Variants in LY75 observed in about 807,000 individuals in gnomAD.
The protein encoded by LY75 is lymphocyte antigen 75.
In LY75, 185 loss-of-function variants were observed where a neutral mutation model predicts 231.7. That is an observed-to-expected ratio of 0.80 (90% CI 0.71 to 0.90). The LOEUF is 0.90. Among genes scored for constraint, LY75 ranks in the 40% least tolerant of loss-of-function variants. LY75 has a pLI of 0.00. For missense variants in LY75, 1,947 were observed against 2,050.2 expected (o/e 0.95, Z 0.97); for synonymous variants, 668 against 689.0 (o/e 0.97, Z 0.48).
chr2:159,828,085 C>T (rs1305730083), intron 28 of LY75, among the ~76,000 whole-genome samples: 1 of 151,092 alleles, frequency 6.6e-6, no homozygotes, highest in Non-Finnish European at 1.5e-5. Flanking sequence ...TACACATGTA[C>T]CCCAGAACTT....
At chr2:159,807,536 G>A in intron 33 of LY75, 3 of 728,134 alleles carry the variant, frequency 4.1e-6, no homozygotes, top group Non-Finnish European at 5.0e-6. Flanking sequence ...TATCATTAAA[G>A]ATATGCTGGT....
chr2:159,864,019 C>T (rs1684788361), intron 14 of LY75, among the ~76,000 whole-genome samples: 1 of 152,092 alleles, frequency 6.6e-6, no homozygotes, highest in African/African-American at 2.4e-5. Flanking sequence ...GTAGGCTGTA[C>T]CATCTAGATT....
intron 3 of LY75, among the ~76,000 whole-genome samples, chr2:159,892,024 G>A (rs2125883029): frequency 6.6e-6 from 1 of 152,140 alleles, no homozygotes; most frequent in East Asian, 1.9e-4. Context: ...AGAAGCCTGG[G>A]CCTCTAATTA....
intron 2 of LY75, among the ~76,000 whole-genome samples, chr2:159,895,703 T>C (rs1169756797): frequency 6.6e-6 from 1 of 152,198 alleles, no homozygotes; most frequent in Non-Finnish European, 1.5e-5. Flanking sequence ...TAAGGACAAC[T>C]TGTGACATCA....
At chr2:159,870,580 C>T (rs897826127) in intron 13 of LY75, among the ~76,000 whole-genome samples, 25 of 152,164 alleles carry the variant, frequency 1.6e-4, no homozygotes, top group African/African-American at 5.3e-4. Context: ...TCTTGTCTCA[C>T]TGTATCCTTG....
chr2:159,888,294 G>T (rs568423168), intron 4 of LY75, among the ~76,000 whole-genome samples: 3 of 152,138 alleles, frequency 2.0e-5, no homozygotes, highest in Non-Finnish European at 4.4e-5. Flanking sequence ...TGGGAAGATC[G>T]CTTGAGCCCA....
At chr2:159,861,027 C>T (rs921200312) in intron 14 of LY75, 138 bp from the exon 15 acceptor site, 2 of 789,364 alleles carry the variant, frequency 2.5e-6, no homozygotes, top group Admixed American at 5.0e-5. Context: ...TTTTTTATAT[C>T]ATGATGCTAA....
rs768921409 is a variant in LY75, at chr2:159,819,886, C to T, written c.3993G>A (p.Leu1331=). ...TTCCTGCTCTCCAATGTGTATATGA[C>T]AGTGGGGTCTTATCAAACCACATAA... ...KSLMWFDKTP[L]SYTHWRAGRP... is the part of the protein sequence containing the mutation. Residue 1331 remains leucine, a synonymous_variant, in exon 29 of 35, where the codon CTG becomes CTA. Coordinates refer to ENST00000263636, the MANE Select transcript of LY75 (RefSeq NM_002349.4). 1 of 1,611,608 alleles carries T rather than the reference C, an allele frequency of 6.2e-7. No homozygotes were observed.
In LY75 at chr2:159,838,635, T is replaced by C. The variant is rs117417967; in HGVS notation, c.3507+2094A>G. Reference sequence around the variant, plus strand: ...TGAAACTAGGAAATGTAATCACCTATTGTTTCCTCACAACAGACACAACAA... The same window carrying C: ...TGAAACTAGGAAATGTAATCACCTACTGTTTCCTCACAACAGACACAACAA... On this transcript the variant is annotated intron_variant, in intron 25 of 34. Coordinates refer to ENST00000263636, the MANE Select transcript of LY75 (RefSeq NM_002349.4). Among the ~76,000 whole-genome samples the C allele has an allele frequency of 1.2e-3, 190 of 152,316 alleles. 4 individuals are homozygous for C. In the East Asian group the frequency reaches 0.033, roughly 26 times the overall value.
At chr2:159,893,792 C>G in intron 3 of LY75, 122 bp downstream of exon 3, 1 of 1,358,148 alleles carries the variant, frequency 7.4e-7, no homozygotes, top group Non-Finnish European at 9.8e-7. Flanking sequence ...TCCAAACATA[C>G]ACTTCTTATC....
chr2:159,832,123 A>C (rs1683681750), intron 27 of LY75, among the ~76,000 whole-genome samples: 1 of 152,190 alleles, frequency 6.6e-6, no homozygotes, highest in African/African-American at 2.4e-5. Flanking sequence ...TATACTGTCA[A>C]AGATTACGCT....
At position 159,807,084 on chromosome 2, in the gene LY75, T is replaced by C. The variant is rs754953748; in HGVS notation, c.4879A>G (p.Lys1627Glu). ...CATCTTCCAACACCACTCTTACTTT[T>C]ATTTTCCCATTTGACAAATGTCACT... ...SEVTFVKWEN[K>E]SKSGVGRCSM... Residue 1627 changes from lysine to glutamate, a missense_variant, in exon 34 of 35, where the codon AAA (lysine) becomes GAA (glutamate). Lys to Glu is a moderately conservative substitution (Grantham distance 56). Coordinates refer to ENST00000263636, the MANE Select transcript of LY75 (RefSeq NM_002349.4). 1.9e-6 allele frequency: 3 copies of C among 1,613,908 alleles called. No homozygotes were observed. The Admixed American group carries it at 5.0e-5, about 27-fold the overall frequency.
At chr2:159,819,138 C>A (rs1374639923) in intron 29 of LY75, among the ~76,000 whole-genome samples, 4 of 152,312 alleles carry the variant, frequency 2.6e-5, no homozygotes, top group Admixed American at 2.0e-4. Context: ...TCCACCTTTA[C>A]GGGCTCCCAG....
At chr2:159,852,422 G>GT (rs72158678) in intron 20 of LY75, 82 bp from the exon 21 acceptor site, 29,767 of 1,309,866 alleles carry the variant, frequency 0.023, 11 homozygotes, top group South Asian at 0.079. Flanking sequence ...GTTTTTTTTT[G>GT]TTTTTTTTTT....
Position 159,819,865 on chromosome 2 carries a change from T to C in LY75, c.4014A>G (p.Ala1338=), listed in dbSNP as rs1475260205. Residue 1338 remains alanine, a synonymous_variant, in exon 29 of 35, where the codon GCA becomes GCG. Coordinates refer to ENST00000263636, the MANE Select transcript of LY75 (RefSeq NM_002349.4). ...KTPLSYTHWR[A]GRPTIKNEKF... ...TCTCATTTTTTATAGTTGGTCTTCC[T>C]GCTCTCCAATGTGTATATGACAGTG... 4 of 1,614,110 alleles carry C rather than the reference T, an allele frequency of 2.5e-6. No individual in the cohort carries two copies. The highest frequency in any genetic ancestry group is 3.4e-6 in the Non-Finnish European group (4 of 1,179,990).
rs1232576547 is a variant in LY75, at chr2:159,874,715, T to A, written c.1974+729A>T. Among the ~76,000 whole-genome samples, 45 of 65,484 alleles carry A rather than the reference T, an allele frequency of 6.9e-4. 1 individual carries two copies. Among genetic ancestry groups the A allele is most frequent in the African/African-American group, 3.0e-3 (44 of 14,446 alleles). The allele number at this position is 65,484 out of a possible 152,430, so 43.0% of individuals were successfully genotyped here. Reference sequence around the variant, plus strand: ...TATATATTTTGTAAATATATGTAAATATATATATTTTGTAAATATATGTAA... The same window carrying A: ...TATATATTTTGTAAATATATGTAAAAATATATATTTTGTAAATATATGTAA... On this transcript the variant is annotated intron_variant, in intron 12 of 34. Coordinates refer to ENST00000263636, the MANE Select transcript of LY75 (RefSeq NM_002349.4).
chr2:159,833,041 C>G (rs1449542075), intron 27 of LY75, among the ~76,000 whole-genome samples: 4 of 152,048 alleles, frequency 2.6e-5, no homozygotes, highest in Non-Finnish European at 5.9e-5. Context: ...TTTGACTGCT[C>G]CAACTAACTT....
Position 159,899,629 on chromosome 2 carries a change from T to C in LY75, c.95-570A>G, listed in dbSNP as rs962950853. On this transcript the variant is annotated intron_variant, in intron 1 of 34. Coordinates refer to ENST00000263636, the MANE Select transcript of LY75 (RefSeq NM_002349.4). ...GTTCCTTTCTTCAGATCCAAGTACA[T>C]AGTGAGGCCTCTGTGCTCCTCTGCC... Among the ~76,000 whole-genome samples, 3 of 152,324 alleles carry C rather than the reference T, an allele frequency of 2.0e-5. No individual in the cohort carries two copies. The East Asian group carries it at 5.8e-4, about 29-fold the overall frequency.
chr2:159,854,509 G>A lies in LY75; in HGVS notation c.2446C>T (p.Leu816Phe), dbSNP rs1042928800. Residue 816 changes from leucine (L) to phenylalanine (F), a missense_variant, in exon 18 of 35, where the codon CTT becomes TTT. Leu to Phe is a conservative substitution (Grantham distance 22). Coordinates refer to ENST00000263636, the MANE Select transcript of LY75 (RefSeq NM_002349.4). The stretch of plus-strand genomic sequence containing the variant: ...CAATATTCACTTCCTTCAATTATAA[G>A]TGGAGGTCCATGAATTCCAGCACGG... ...PDRAGIHGPP[L>F]IIEGSEYWFV... 11 of 1,612,752 alleles carry A rather than the reference G, an allele frequency of 6.8e-6. No individual in the cohort carries two copies. Among genetic ancestry groups the A allele is most frequent in the Non-Finnish European group, 9.3e-6 (11 of 1,179,380 alleles).
Sources: gnomAD v4.1 joint callset for allele counts (sites outside exome capture counted in the v4.1 genomes callset) on GRCh38, gnomAD v4.1.1 for gene constraint, MANE v1.5 for transcripts, NCBI Gene and HGNC (gene_info 2026-07-23, HGNC 2026-07-21) for gene names.